LRRCC1: variants seen among roughly 807,000 people sequenced by gnomAD.
LRRCC1 encodes the protein leucine-rich repeat and coiled-coil domain-containing protein 1.
LRRCC1 carries 115 observed loss-of-function variants against 126.0 expected under a neutral mutation model. That is an observed-to-expected ratio of 0.91 (90% CI 0.78 to 1.07). LRRCC1 has a LOEUF of 1.07. Ranked by LOEUF, LRRCC1 falls within the 50% of genes least tolerant of loss-of-function variation. The pLI is 0.00. For synonymous variants in LRRCC1, 400 were observed against 393.4 expected, an observed-to-expected ratio of 1.02 and a Z score of -0.20; for missense variants, 1,172 against 1,175.7, an observed-to-expected ratio of 1.00 and a Z score of 0.05.
intron 12 of LRRCC1, among the ~76,000 whole-genome samples, chr8:85,134,227 T>A: frequency 6.6e-6 from 1 of 152,222 alleles, no homozygotes; most frequent in Non-Finnish European, 1.5e-5. Context: ...TCATCTAACA[T>A]GTTGTATAAT....
chr8:85,138,487 GT>G lies in LRRCC1; in HGVS notation c.2840+14del. 5 of 1,602,124 alleles carry G rather than the reference GT, an allele frequency of 3.1e-6. No individual in the cohort carries two copies. The highest frequency in any genetic ancestry group is 4.2e-6 in the Non-Finnish European group (5 of 1,176,490). The stretch of plus-strand genomic sequence containing the variant: ...ATTGAACTACAAAAGTAAGCATTAG[GT>G]TCTAAAGGATTTGAGATCTCCTTAA... On this transcript the variant is annotated intron_variant, in intron 17 of 18. Coordinates refer to ENST00000360375, the MANE Select transcript of LRRCC1 (RefSeq NM_033402.5).
intron 4 of LRRCC1, 145 bp from the exon 5 acceptor site, chr8:85,114,955 G>A: frequency 1.8e-6 from 1 of 551,368 alleles, no homozygotes; most frequent in Non-Finnish European, 3.1e-6. Flanking sequence ...ACATGCTGCA[G>A]AAGTTGAATA....
intron 1 of LRRCC1, among the ~76,000 whole-genome samples, chr8:85,108,078 G>A (rs1035149822): frequency 5.3e-5 from 8 of 152,176 alleles, no homozygotes; most frequent in African/African-American, 1.2e-4. Flanking sequence ...GTCTCGACCC[G>A]TAACATTTCT....
At chr8:85,111,935 T>C (rs1452792427) in intron 3 of LRRCC1, among the ~76,000 whole-genome samples, 1 of 151,790 alleles carries the variant, frequency 6.6e-6, no homozygotes, top group Non-Finnish European at 1.5e-5. Context: ...TGATCCTGGC[T>C]CACAGCAGCC....
Position 85,141,372 on chromosome 8 carries a change from T to C in LRRCC1, c.2841-10T>C. The C allele has an allele frequency of 6.2e-7, 1 of 1,606,858 alleles. No homozygotes were observed. The highest frequency in any genetic ancestry group is 1.7e-5 in the Admixed American group (1 of 59,646). On this transcript the variant is annotated splice_polypyrimidine_tract_variant and intron_variant, in intron 17 of 18. Transcript: ENST00000360375. ...ACACATATATATGTGGATGTTCTTG[T>C]TTTTTTAAGGAATGCAATGGAAAAA...
chr8:85,125,142 T>G (rs531230251), intron 8 of LRRCC1, among the ~76,000 whole-genome samples: 1 of 152,320 alleles, frequency 6.6e-6, no homozygotes, highest in South Asian at 2.1e-4. Flanking sequence ...TATGATCAGA[T>G]TTAAGTGAAA....
At chr8:85,126,910 A>T in intron 9 of LRRCC1, 73 bp downstream of exon 9, 1 of 1,277,718 alleles carries the variant, frequency 7.8e-7, no homozygotes, top group Non-Finnish European at 1.1e-6. Context: ...GGAATACATT[A>T]GTTTCAGTGT....
At chr8:85,108,598 A>G (rs1018341842) in intron 1 of LRRCC1, 6 of 152,248 alleles carry the variant, frequency 3.9e-5, no homozygotes, top group Non-Finnish European at 8.8e-5. Context: ...ATGTGTTAAC[A>G]GCATAAGGTC....
intron 6 of LRRCC1, among the ~76,000 whole-genome samples, chr8:85,120,740 A>G (rs771524098): frequency 2.6e-5 from 4 of 152,192 alleles, no homozygotes; most frequent in Non-Finnish European, 4.4e-5. Context: ...TTCACTTAGC[A>G]TAATATTTTC....
At chr8:85,145,115 G>GTTTATATA (rs1302098034) in intron 18 of LRRCC1, among the ~76,000 whole-genome samples, 1 of 59,536 alleles carries the variant, frequency 1.7e-5, no homozygotes, top group Non-Finnish European at 3.4e-5. Flanking sequence ...AAATATATGT[G>GTTTATATA]TGTATATATA....
chr8:85,124,180 A>C (rs1312578204), intron 7 of LRRCC1, among the ~76,000 whole-genome samples: 1 of 152,188 alleles, frequency 6.6e-6, no homozygotes, highest in Admixed American at 6.5e-5. Context: ...CAAGTGGTTC[A>C]GAAATGACTA....
chr8:85,121,422 T>TTTTG (rs1563938097), intron 6 of LRRCC1, among the ~76,000 whole-genome samples: 25 of 152,064 alleles, frequency 1.6e-4, no homozygotes, highest in African/African-American at 4.3e-4. Flanking sequence ...TTTGTTTTGT[T>TTTTG]TTTTGTTTTG....
intron 3 of LRRCC1, among the ~76,000 whole-genome samples, chr8:85,111,098 C>T (rs1263850733): frequency 2.6e-5 from 4 of 152,078 alleles, no homozygotes; most frequent in Non-Finnish European, 5.9e-5. Context: ...TTTGTTTTTG[C>T]CGGGTGTGGT....
intron 9 of LRRCC1, 87 bp from the exon 10 acceptor site, chr8:85,129,088 G>C (rs1810238450): frequency 1.1e-6 from 1 of 952,280 alleles, no homozygotes; most frequent in Middle Eastern, 3.4e-4. Flanking sequence ...AGGAAGACCA[G>C]TTCAGAGAGT....
rs1336021653 is a variant in LRRCC1, at chr8:85,113,248, G to A, written c.544+149G>A. 9 of 625,780 alleles carry A rather than the reference G, an allele frequency of 1.4e-5. No individual in the cohort carries two copies. In the Admixed American group the frequency reaches 2.4e-4, roughly 16 times the overall value. 38.8% of individuals were successfully genotyped at this position (625,780 alleles called of 1,614,324 possible). ...AAACATGGTTACAAATAAAATTAGT[G>A]TATTAAGACTAATGACTGTTACAGA... On this transcript the variant is annotated intron_variant, in intron 4 of 18. Transcript: ENST00000360375.
intron 13 of LRRCC1, 80 bp downstream of exon 13, chr8:85,135,112 C>T: frequency 3.9e-6 from 4 of 1,038,504 alleles, no homozygotes; most frequent in Non-Finnish European, 5.3e-6. Flanking sequence ...TTAGGAAGTA[C>T]ACGAAAGGAA....
At chr8:85,109,965 G>GT (rs1808573983) in intron 2 of LRRCC1, 150 bp from the exon 3 acceptor site, 2 of 603,342 alleles carry the variant, frequency 3.3e-6, no homozygotes. Context: ...TAAAAATTCT[G>GT]TTTTTTCTAA....
In LRRCC1 at chr8:85,145,414, G is replaced by T. The variant is rs185434179; in HGVS notation, c.3002G>T (p.Arg1001Leu). 1 of 1,561,790 alleles carries T rather than the reference G, an allele frequency of 6.4e-7. No homozygotes were observed. Among genetic ancestry groups the T allele is most frequent in the Non-Finnish European group, 8.6e-7 (1 of 1,158,376 alleles). ...LKVHQIEKEM[R>L]ELLEETCKNK... ...GTCCATCAAATTGAAAAAGAAATGCGTGAACTTTTGGAAGAAACATGCAAG... is the reference window on the plus strand; with the variant it reads ...GTCCATCAAATTGAAAAAGAAATGCTTGAACTTTTGGAAGAAACATGCAAG... The change falls in exon 19 of 19, where the codon CGT becomes CTT. Residue 1001 changes from arginine to leucine, a missense_variant. Coordinates refer to ENST00000360375, the MANE Select transcript of LRRCC1 (RefSeq NM_033402.5).
intron 6 of LRRCC1, 83 bp from the exon 7 acceptor site, chr8:85,123,330 G>A: frequency 1.1e-6 from 1 of 921,044 alleles, no homozygotes; most frequent in Non-Finnish European, 1.7e-6. Flanking sequence ...CATATAAAAA[G>A]ATATAATATT....
Sources: gnomAD v4.1 joint callset for allele counts (sites outside exome capture counted in the v4.1 genomes callset) on GRCh38, gnomAD v4.1.1 for gene constraint, MANE v1.5 for transcripts, NCBI Gene and HGNC (gene_info 2026-07-23, HGNC 2026-07-21) for gene names.